The following GPD2 variants were observed in gnomAD, a reference collection of about 807,000 sequenced individuals.
The protein encoded by GPD2 is glycerol-3-phosphate dehydrogenase 2, also known as glycerol-3-phosphate dehydrogenase, mitochondrial.
A neutral mutation model predicts 82.4 loss-of-function variants in GPD2; 54 were observed. The ratio of observed to expected loss-of-function variants is 0.66; its 90% CI spans 0.53 to 0.82. The LOEUF (loss-of-function observed/expected upper bound fraction) is 0.82, where lower values mean the gene tolerates loss of function less well. GPD2 is among the 40% of genes least tolerant of loss of function. GPD2 has a pLI of 0.00. For synonymous variants in GPD2, 288 were observed against 306.1 expected (o/e 0.94, Z 0.62); for missense variants, 748 against 896.2 (o/e 0.83, Z 2.11).
intron 1 of GPD2, among the ~76,000 whole-genome samples, chr2:156,453,041 C>T (rs1163696254): frequency 6.6e-6 from 1 of 152,104 alleles, no homozygotes; most frequent in African/African-American, 2.4e-5. Flanking sequence ...TTTGAAACAT[C>T]CTGGGGAAAT....
chr2:156,427,092 T>C, the GPD2 span, among the ~76,000 whole-genome samples: 1 of 152,218 alleles, frequency 6.6e-6, no homozygotes, highest in Non-Finnish European at 1.5e-5. Context: ...TCCAATTATC[T>C]GGCTGAGTCT....
chr2:156,404,105 C>T, the GPD2 span, among the ~76,000 whole-genome samples: 2 of 152,246 alleles, frequency 1.3e-5, no homozygotes, highest in Non-Finnish European at 2.9e-5. Context: ...TAGTAACTCA[C>T]ACCAGTAATC....
At chr2:156,530,092 G>A (rs984364955) in intron 6 of GPD2, among the ~76,000 whole-genome samples, 2 of 147,056 alleles carry the variant, frequency 1.4e-5, no homozygotes, top group South Asian at 4.5e-4. Flanking sequence ...TCTTCCATTT[G>A]TTTGTATCCT....
chr2:156,447,825 G>C (rs1032463687), intron 1 of GPD2, among the ~76,000 whole-genome samples: 12 of 152,052 alleles, frequency 7.9e-5, no homozygotes, highest in African/African-American at 2.7e-4. Context: ...GAATTCCCAG[G>C]GTCTGTCTTT....
rs1482136491 is a variant in GPD2 at position 156,584,591 on chromosome 2, T to C, written c.*1673T>C. 6.6e-6 allele frequency: 1 copy of C among 152,482 alleles called. No individual in the cohort carries two copies. The highest frequency in any genetic ancestry group is 1.9e-4 in the East Asian group (1 of 5,186). 9.4% of individuals were successfully genotyped at this position (152,482 alleles called of 1,614,324 possible). On this transcript the variant is annotated 3_prime_UTR_variant, in exon 17 of 17. Coordinates refer to ENST00000438166, the MANE Select transcript of GPD2 (RefSeq NM_000408.5). Reference sequence around the variant, plus strand: ...CTCATTTTGTTTTTAAATGAGGTTTTAGACGCTTGCCACTTCCTAAGGGAA... The same window carrying C: ...CTCATTTTGTTTTTAAATGAGGTTTCAGACGCTTGCCACTTCCTAAGGGAA...
intron 3 of GPD2, among the ~76,000 whole-genome samples, chr2:156,498,047 G>A (rs1164379588): frequency 2.6e-5 from 4 of 152,160 alleles, no homozygotes; most frequent in Admixed American, 2.0e-4. Flanking sequence ...GAATTTACTA[G>A]GTGATAATTT....
chr2:156,579,329 C>CTTTTTTTTTT (rs59446199), intron 15 of GPD2, among the ~76,000 whole-genome samples, 165 bp downstream of exon 15: 1 of 135,214 alleles, frequency 7.4e-6, no homozygotes, highest in Non-Finnish European at 1.6e-5. Flanking sequence ...TTTTTTCTTT[C>CTTTTTTTTTT]TTTTTTTTTT....
chr2:156,497,418 G>A (rs1684425808), intron 3 of GPD2, among the ~76,000 whole-genome samples: 1 of 152,134 alleles, frequency 6.6e-6, no homozygotes, highest in South Asian at 2.1e-4. Flanking sequence ...ATCCTCAGAT[G>A]TCTCGAATTG....
chr2:156,564,065 A>C (rs1687273226), intron 9 of GPD2, among the ~76,000 whole-genome samples: 1 of 152,160 alleles, frequency 6.6e-6, no homozygotes, highest in East Asian at 1.9e-4. Flanking sequence ...ATATACACTT[A>C]GAGAAAGACA....
chr2:156,536,605 GA>G (rs1686091674), intron 6 of GPD2, among the ~76,000 whole-genome samples: 1 of 152,170 alleles, frequency 6.6e-6, no homozygotes, highest in Admixed American at 6.5e-5. Context: ...AAGGTTTCTT[GA>G]CTTTAAAATG....
At chr2:156,569,675 GA>G (rs1687538644) in intron 11 of GPD2, 137 bp downstream of exon 11, 2 of 737,112 alleles carry the variant, frequency 2.7e-6, no homozygotes, top group Non-Finnish European at 4.9e-6. Flanking sequence ...GTTATGGAAG[GA>G]AAAAAAGATG....
the GPD2 span, among the ~76,000 whole-genome samples, chr2:156,415,252 G>A: frequency 8.2e-5 from 12 of 146,282 alleles, no homozygotes; most frequent in Non-Finnish European, 1.5e-4. Flanking sequence ...TCCGCCTCCC[G>A]GGTTCACGCC....
At chr2:156,411,007 A>AT in the GPD2 span, among the ~76,000 whole-genome samples, 4 of 152,226 alleles carry the variant, frequency 2.6e-5, no homozygotes, top group Non-Finnish European at 5.9e-5. Context: ...GACAAATTCT[A>AT]TGTTGTGGGA....
chr2:156,558,529 C>T (rs1687045512), intron 9 of GPD2, among the ~76,000 whole-genome samples: 1 of 152,124 alleles, frequency 6.6e-6, no homozygotes, highest in South Asian at 2.1e-4. Context: ...CAAATATACA[C>T]TTTAGATATC....
intron 2 of GPD2, among the ~76,000 whole-genome samples, chr2:156,480,803 G>A (rs1457276385): frequency 2.0e-5 from 3 of 146,354 alleles, no homozygotes; most frequent in Non-Finnish European, 4.5e-5. Flanking sequence ...CTGAGATGGA[G>A]TTTCACTCTT....
chr2:156,543,135 A>G (rs1686388771), intron 6 of GPD2, among the ~76,000 whole-genome samples: 2 of 152,154 alleles, frequency 1.3e-5, no homozygotes, highest in South Asian at 2.1e-4. Context: ...TGTTTTCACC[A>G]AAGATTTTGT....
At chr2:156,477,956 C>T (rs78591904) in intron 2 of GPD2, among the ~76,000 whole-genome samples, 9 of 152,180 alleles carry the variant, frequency 5.9e-5, no homozygotes, top group East Asian at 1.9e-4. Flanking sequence ...TGAAAAATGC[C>T]GATGCCAAAG....
chr2:156,436,324 G>C (rs1051701832), upstream of GPD2: 2 of 152,624 alleles, frequency 1.3e-5, no homozygotes, highest in African/African-American at 2.4e-5. Context: ...CGGGAAGAGG[G>C]AAGGCGGGGG....
intron 6 of GPD2, among the ~76,000 whole-genome samples, chr2:156,523,428 A>G (rs557053813): frequency 1.3e-5 from 2 of 152,218 alleles, no homozygotes; most frequent in South Asian, 2.1e-4. Context: ...CAATTTTATT[A>G]TGGAAAACTC....
Sources: gnomAD v4.1 joint callset for allele counts (sites outside exome capture counted in the v4.1 genomes callset) on GRCh38, gnomAD v4.1.1 for gene constraint, MANE v1.5 for transcripts, NCBI Gene and HGNC (gene_info 2026-07-23, HGNC 2026-07-21) for gene names.